The following AHCYL2 variants were observed in gnomAD, a reference collection of about 807,000 sequenced individuals.
AHCYL2 encodes the protein adenosylhomocysteinase like 2.
A neutral mutation model predicts 81.4 loss-of-function variants in AHCYL2; 28 were observed. That is an observed-to-expected ratio of 0.34 (90% confidence interval 0.25 to 0.47). AHCYL2 has a LOEUF of 0.47. AHCYL2 is among the 20% of genes least tolerant of loss of function. The pLI, the probability that AHCYL2 is intolerant of heterozygous loss-of-function variation, is 1.00. For missense variants in AHCYL2, 551 were observed against 785.1 expected, an observed-to-expected ratio of 0.70 and a Z score of 3.56; for synonymous variants, 272 against 290.2, an observed-to-expected ratio of 0.94 and a Z score of 0.64.
At chr7:129,231,440 C>T (rs532362284) in intron 1 of AHCYL2, among the ~76,000 whole-genome samples, 11 of 152,078 alleles carry the variant, frequency 7.2e-5, no homozygotes, top group South Asian at 2.1e-4. Context: ...CCCTCCCCCA[C>T]GAGAGAAAAA....
intron 1 of AHCYL2, among the ~76,000 whole-genome samples, chr7:129,346,051 G>C (rs1425403215): frequency 6.6e-6 from 1 of 152,204 alleles, no homozygotes; most frequent in Admixed American, 6.5e-5. Context: ...CTGAAACATG[G>C]TAACAGAAAA....
At chr7:129,272,019 A>G (rs1219112461) in intron 1 of AHCYL2, among the ~76,000 whole-genome samples, 1 of 152,200 alleles carries the variant, frequency 6.6e-6, no homozygotes, top group Admixed American at 6.5e-5. Flanking sequence ...CAGAGATAAC[A>G]TTCTGGGACT....
At chr7:129,398,634 C>T (rs1438492567) in intron 5 of AHCYL2, among the ~76,000 whole-genome samples, 2 of 151,708 alleles carry the variant, frequency 1.3e-5, no homozygotes, top group Non-Finnish European at 2.9e-5. Context: ...CTGCCTCGGC[C>T]TCCCAAAGTG....
intron 2 of AHCYL2, among the ~76,000 whole-genome samples, chr7:129,387,819 A>T (rs1795269417): frequency 6.6e-6 from 1 of 152,114 alleles, no homozygotes; most frequent in African/African-American, 2.4e-5. Flanking sequence ...GGGATTTACT[A>T]ATTCCCTCAC....
At chr7:129,421,543 A>G (rs1490940513) in intron 12 of AHCYL2, among the ~76,000 whole-genome samples, 1 of 152,228 alleles carries the variant, frequency 6.6e-6, no homozygotes, top group Non-Finnish European at 1.5e-5. Context: ...AGGTACATAT[A>G]AAATTTTGCT....
chr7:129,341,208 A>C (rs1390179889), intron 1 of AHCYL2, among the ~76,000 whole-genome samples: 2 of 152,236 alleles, frequency 1.3e-5, no homozygotes, highest in Non-Finnish European at 2.9e-5. Flanking sequence ...AAAGAATAGA[A>C]ATTTTTTAGA....
At chr7:129,240,499 A>G (rs1383366998) in intron 1 of AHCYL2, among the ~76,000 whole-genome samples, 2 of 152,188 alleles carry the variant, frequency 1.3e-5, no homozygotes, top group Non-Finnish European at 2.9e-5. Context: ...AAAATGAAGC[A>G]AAAACAGACG....
intron 1 of AHCYL2, among the ~76,000 whole-genome samples, chr7:129,356,516 A>C (rs1001078238): frequency 9.2e-5 from 14 of 152,164 alleles, no homozygotes; most frequent in African/African-American, 3.4e-4. Flanking sequence ...CAAATCTATA[A>C]AGCTGCCTGT....
intron 1 of AHCYL2, among the ~76,000 whole-genome samples, chr7:129,290,466 A>G (rs189921085): frequency 0.025 from 3,668 of 148,614 alleles, 73 homozygotes; most frequent in Admixed American, 0.058. Flanking sequence ...GCGCCACTGC[A>G]CTCCAGCCTG....
chr7:129,370,576 T>C (rs987419577), intron 1 of AHCYL2, among the ~76,000 whole-genome samples: 1 of 152,154 alleles, frequency 6.6e-6, no homozygotes, highest in Non-Finnish European at 1.5e-5. Context: ...CGGGCGCCTA[T>C]AGTCCCAGCT....
At chr7:129,300,152 T>C (rs950027625) in intron 1 of AHCYL2, among the ~76,000 whole-genome samples, 2 of 152,198 alleles carry the variant, frequency 1.3e-5, no homozygotes, top group South Asian at 2.1e-4. Flanking sequence ...AATCCTATTA[T>C]ACTCTTTTAG....
At chr7:129,297,634 C>T (rs1238579888) in intron 1 of AHCYL2, among the ~76,000 whole-genome samples, 3 of 151,956 alleles carry the variant, frequency 2.0e-5, no homozygotes, top group Non-Finnish European at 4.4e-5. Context: ...TAACTTTTTT[C>T]TTGTTTATAA....
At chr7:129,259,900 A>G (rs1795557959) in intron 1 of AHCYL2, among the ~76,000 whole-genome samples, 2 of 152,144 alleles carry the variant, frequency 1.3e-5, no homozygotes, top group South Asian at 2.1e-4. Flanking sequence ...AACATGGTGA[A>G]ACCCTGTCTT....
intron 1 of AHCYL2, among the ~76,000 whole-genome samples, chr7:129,284,144 G>C (rs1384623492): frequency 6.6e-6 from 1 of 152,144 alleles, no homozygotes; most frequent in Non-Finnish European, 1.5e-5. Context: ...ACTGAATTCT[G>C]TTAGTGGAAG....
chr7:129,400,320 C>A lies in AHCYL2; in HGVS notation c.854C>A (p.Ser285Ter). 6.2e-7 allele frequency: 1 copy of A among 1,613,284 alleles called. No individual in the cohort carries two copies. The highest frequency in any genetic ancestry group is 1.1e-5 in the South Asian group (1 of 90,962). ...CCTGTTTTTGCCTGGAAGGGAGAGT[C>A]AGAAGATGACTTTTGGTGGTGTATC... is the stretch of plus-strand genomic sequence containing the variant. Reference protein sequence around the residue: ...GFPVFAWKGESEDDFWWCIDR... With the variant: ...GFPVFAWKGE Residue 285 changes from serine (S) to a stop codon, truncating the protein, a stop_gained, in exon 6 of 17, where the codon TCA becomes TAA. Coordinates refer to ENST00000325006, the MANE Select transcript of AHCYL2 (RefSeq NM_015328.4). LOFTEE classifies it high-confidence loss of function.
intron 1 of AHCYL2, among the ~76,000 whole-genome samples, chr7:129,294,625 A>T (rs1443583157): frequency 1.3e-5 from 2 of 152,122 alleles, no homozygotes; most frequent in Non-Finnish European, 2.9e-5. Context: ...TTTCTACTAC[A>T]CCATGTTAAT....
chr7:129,405,014 A>C (rs1189848942), intron 7 of AHCYL2, 83 bp from the exon 8 acceptor site: 1 of 794,342 alleles, frequency 1.3e-6, no homozygotes, highest in Non-Finnish European at 2.0e-6. Flanking sequence ...TACCCAATCA[A>C]CGTATTTCTG....
intron 1 of AHCYL2, among the ~76,000 whole-genome samples, chr7:129,329,289 C>A (rs1375040969): frequency 2.0e-5 from 3 of 152,186 alleles, no homozygotes; most frequent in African/African-American, 7.2e-5. Context: ...AAGCAATCTT[C>A]CCACCTCAGC....
chr7:129,243,002 C>A (rs186293885), intron 1 of AHCYL2, among the ~76,000 whole-genome samples: 3 of 147,830 alleles, frequency 2.0e-5, no homozygotes, highest in Admixed American at 1.4e-4. Flanking sequence ...GTTTTCTTAT[C>A]GACTATATTG....
Sources: allele counts gnomAD v4.1 joint callset (sites outside exome capture counted in the v4.1 genomes callset), GRCh38; gene constraint gnomAD v4.1.1; transcripts MANE v1.5; gene names NCBI Gene and HGNC (gene_info 2026-07-23, HGNC 2026-07-21).